SIRPG: variants seen among roughly 807,000 people sequenced by gnomAD.
SIRPG encodes signal-regulatory protein gamma.
SIRPG carries 38 observed loss-of-function variants against 35.7 expected under a neutral mutation model. That is an observed-to-expected ratio of 1.06 (90% CI 0.82 to 1.40). The LOEUF is 1.40. Ranked by LOEUF, SIRPG falls within the 40% of genes most tolerant of loss-of-function variation. The pLI is 0.00. For synonymous variants in SIRPG, 215 were observed against 190.4 expected, an observed-to-expected ratio of 1.13 and a Z score of -1.06; for missense variants, 519 against 483.0, an observed-to-expected ratio of 1.07 and a Z score of -0.70.
intron 1 of SIRPG, among the ~76,000 whole-genome samples, chr20:1,653,748 G>T (rs1015261387): frequency 1.3e-5 from 2 of 152,024 alleles, no homozygotes; most frequent in African/African-American, 4.8e-5. Context: ...TGGGCAATAG[G>T]GAAAACCACA....
chr20:1,636,552 T>A (rs1172170922), intron 2 of SIRPG, 47 bp from the exon 3 acceptor site: 2 of 1,587,154 alleles, frequency 1.3e-6, no homozygotes, highest in Admixed American at 3.3e-5. Flanking sequence ...GAGATGACAA[T>A]CACTAACGAT....
At chr20:1,634,762 C>T (rs143697232) in intron 4 of SIRPG, among the ~76,000 whole-genome samples, 25 of 151,980 alleles carry the variant, frequency 1.6e-4, no homozygotes, top group Non-Finnish European at 2.8e-4. Context: ...TATTTATGTA[C>T]GCCAGGCGCG....
the SIRPG span, among the ~76,000 whole-genome samples, chr20:1,673,321 C>T: frequency 3.9e-5 from 6 of 152,090 alleles, no homozygotes; most frequent in African/African-American, 1.4e-4. Context: ...CCCCTCCATC[C>T]CTGTGAGGGG....
intron 3 of SIRPG, 114 bp downstream of exon 3, chr20:1,636,074 G>C: frequency 6.8e-7 from 1 of 1,467,110 alleles, no homozygotes; most frequent in Non-Finnish European, 9.3e-7. Flanking sequence ...CGGGCGGGCA[G>C]TATAGTCAGG....
the SIRPG span, among the ~76,000 whole-genome samples, chr20:1,672,210 C>T: frequency 1.1e-4 from 17 of 152,256 alleles, no homozygotes; most frequent in East Asian, 2.7e-3. Flanking sequence ...GCCCTGTTTG[C>T]TTTGGATCAA....
At chr20:1,663,075 A>G in the SIRPG span, among the ~76,000 whole-genome samples, 1 of 151,986 alleles carries the variant, frequency 6.6e-6, no homozygotes, top group Admixed American at 6.5e-5. Context: ...GCACGTTGGG[A>G]GGCCAAAGCG....
chr20:1,678,861 G>A, the SIRPG span, among the ~76,000 whole-genome samples: 36,508 of 152,096 alleles, frequency 0.24, 5,140 homozygotes, highest in East Asian at 0.59. Flanking sequence ...CCTCTCACGC[G>A]AGAGATCCTT....
At chr20:1,668,204 TTTCTTTCTTTCTTTC>T in the SIRPG span, among the ~76,000 whole-genome samples, 3,847 of 40,322 alleles carry the variant, frequency 0.095, 78 homozygotes, top group South Asian at 0.16. Flanking sequence ...TTTTCTTTTC[TTTCTTTCTTTCTTTC>T]TTTCTTTCTT....
At chr20:1,645,251 A>G (rs2091889605) in intron 2 of SIRPG, among the ~76,000 whole-genome samples, 1 of 152,116 alleles carries the variant, frequency 6.6e-6, no homozygotes, top group Admixed American at 6.5e-5. Context: ...ACCCACCCCC[A>G]GAAAAGCTGT....
chr20:1,670,028 T>C, the SIRPG span: 1 of 257,000 alleles, frequency 3.9e-6, no homozygotes, highest in South Asian at 6.1e-5. Flanking sequence ...ATCATCCCTG[T>C]GGGCAGATAT....
At chr20:1,682,165 G>A in the SIRPG span, among the ~76,000 whole-genome samples, 492 of 152,310 alleles carry the variant, frequency 3.2e-3, 3 homozygotes, top group African/African-American at 0.011. Flanking sequence ...GGGGGACTTT[G>A]AGGGGTAAGA....
At chr20:1,684,192 T>C in the SIRPG span, among the ~76,000 whole-genome samples, 1 of 152,216 alleles carries the variant, frequency 6.6e-6, no homozygotes, top group Non-Finnish European at 1.5e-5. Flanking sequence ...CAAAAAGTGA[T>C]ATACATGTAA....
rs1196245641 is a variant in SIRPG at position 1,635,509 on chromosome 20, C to T, written c.839G>A (p.Ser280Asn). The T allele has an allele frequency of 6.2e-7, 1 of 1,614,134 alleles. No homozygotes were observed. The change falls in exon 4 of 6, where the codon AGC (serine) becomes AAC (asparagine). Residue 280 changes from serine (S) to asparagine (N), a missense_variant. Physicochemically the swap from Ser to Asn is conservative, Grantham distance 46. Coordinates refer to ENST00000303415, the MANE Select transcript of SIRPG (RefSeq NM_018556.4). The part of the protein sequence containing the change: ...TCQVRKFYPQ[S>N]LQLTWSENGN... Reference sequence around the variant, plus strand: ...ATTCTCCGACCAGGTCAGCTGTAGGCTCTGGGGGTAGAACTTCCTCACCTG... The same window carrying T: ...ATTCTCCGACCAGGTCAGCTGTAGGTTCTGGGGGTAGAACTTCCTCACCTG...
Position 1,636,245 on chromosome 20 carries a change from C to A in SIRPG, c.691G>T (p.Val231Phe). 1 of 1,614,210 alleles carries A rather than the reference C, an allele frequency of 6.2e-7. No individual in the cohort carries two copies. The highest frequency in any genetic ancestry group is 8.5e-7 in the Non-Finnish European group (1 of 1,180,038). The change falls in exon 3 of 6, where the codon GTC (valine) becomes TTC (phenylalanine). Residue 231 changes from valine to phenylalanine, a missense_variant. Coordinates refer to ENST00000303415, the MANE Select transcript of SIRPG (RefSeq NM_018556.4). ...RSQVICEVAH[V>F]TLQGDPLRGT... ...CGAAGAGGGTCCCCCTGCAAGGTGA[C>A]ATGGGCCACCTCGCAGATGACCTGA...
intron 2 of SIRPG, chr20:1,638,548 G>A (rs1167713512): frequency 6.6e-6 from 1 of 152,100 alleles, no homozygotes; most frequent in Non-Finnish European, 1.5e-5. Context: ...TAAGATCATA[G>A]GTAAAGCTGG....
At chr20:1,682,821 G>T in the SIRPG span, among the ~76,000 whole-genome samples, 1 of 152,100 alleles carries the variant, frequency 6.6e-6, no homozygotes, top group Non-Finnish European at 1.5e-5. Flanking sequence ...CAGCCCAAAA[G>T]CACACACAAC....
At chr20:1,660,747 A>G (rs1451473393), upstream of SIRPG, among the ~76,000 whole-genome samples, 3 of 152,188 alleles carry the variant, frequency 2.0e-5, no homozygotes, top group Non-Finnish European at 2.9e-5. Context: ...TTTATCTGCC[A>G]TATTTCACCC....
upstream of SIRPG, among the ~76,000 whole-genome samples, chr20:1,658,311 C>G (rs1038368858): frequency 2.0e-5 from 3 of 152,216 alleles, no homozygotes; most frequent in African/African-American, 4.8e-5. Context: ...CATGTGCCTG[C>G]ACCCAGCAGA....
intron 2 of SIRPG, chr20:1,647,753 T>A (rs1393011222): frequency 6.6e-6 from 1 of 152,228 alleles, no homozygotes; most frequent in Non-Finnish European, 1.5e-5. Flanking sequence ...GGAATCTCGA[T>A]ACGGAATGTT....
Sources: gnomAD v4.1 joint callset for allele counts (sites outside exome capture counted in the v4.1 genomes callset) on GRCh38, gnomAD v4.1.1 for gene constraint, MANE v1.5 for transcripts, NCBI Gene and HGNC (gene_info 2026-07-23, HGNC 2026-07-21) for gene names.